The following MED12L variants were observed in gnomAD, a reference collection of about 807,000 sequenced individuals.
MED12L encodes mediator of RNA polymerase II transcription subunit 12-like protein.
A neutral mutation model predicts 281.3 loss-of-function variants in MED12L; 60 were observed. The ratio of observed to expected loss-of-function variants is 0.21; its 90% CI spans 0.17 to 0.26. MED12L has a LOEUF of 0.26. Ranked by LOEUF, MED12L falls within the 10% of genes least tolerant of loss-of-function variation. The pLI is 1.00. For missense variants in MED12L, 2,146 were observed against 2,680.9 expected, an observed-to-expected ratio of 0.80 and a Z score of 4.41; for synonymous variants, 974 against 987.2, an observed-to-expected ratio of 0.99 and a Z score of 0.25.
At chr3:151,342,062 G>A (rs1751926169) in intron 16 of MED12L, among the ~76,000 whole-genome samples, 1 of 152,150 alleles carries the variant, frequency 6.6e-6, no homozygotes, top group Non-Finnish European at 1.5e-5. Context: ...CTTTATAGCA[G>A]CATGACTTAT....
At chr3:151,250,672 A>G (rs1025318830) in intron 16 of MED12L, among the ~76,000 whole-genome samples, 11 of 152,276 alleles carry the variant, frequency 7.2e-5, no homozygotes, top group African/African-American at 2.4e-4. Context: ...TCATCTGTCC[A>G]TAGTCCTTGG....
intron 26 of MED12L, among the ~76,000 whole-genome samples, chr3:151,369,849 C>T (rs7634096): frequency 0.27 from 40,443 of 151,968 alleles, 6,365 homozygotes; most frequent in African/African-American, 0.44. Context: ...TTTGCCTTCT[C>T]TGGTGGCAGA....
intron 16 of MED12L, among the ~76,000 whole-genome samples, chr3:151,289,098 A>G (rs1743922322): frequency 6.6e-6 from 1 of 152,264 alleles, no homozygotes; most frequent in Non-Finnish European, 1.5e-5. Flanking sequence ...GTGATAATAT[A>G]GGAAGTGAAA....
chr3:151,175,398 T>G (rs562008897), intron 11 of MED12L, among the ~76,000 whole-genome samples: 2 of 152,372 alleles, frequency 1.3e-5, no homozygotes, highest in Non-Finnish European at 2.9e-5. Context: ...TTCAGTATCT[T>G]ACGTCCTTTT....
intron 16 of MED12L, among the ~76,000 whole-genome samples, chr3:151,297,010 A>C (rs1174515175): frequency 6.6e-6 from 1 of 152,164 alleles, no homozygotes; most frequent in Non-Finnish European, 1.5e-5. Flanking sequence ...ATCTAAGTGC[A>C]GGCTCTTCCT....
At chr3:151,321,543 C>T (rs1366536639) in intron 16 of MED12L, among the ~76,000 whole-genome samples, 1 of 151,948 alleles carries the variant, frequency 6.6e-6, no homozygotes, top group Non-Finnish European at 1.5e-5. Flanking sequence ...TGAAAGCCTT[C>T]AGAAATACAT....
chr3:151,186,723 G>A (rs1259676300), intron 12 of MED12L, among the ~76,000 whole-genome samples: 1 of 152,036 alleles, frequency 6.6e-6, no homozygotes, highest in African/African-American at 2.4e-5. Context: ...AGTTAACAGC[G>A]TTCTACCCCT....
intron 16 of MED12L, among the ~76,000 whole-genome samples, chr3:151,197,102 G>C (rs915826172): frequency 2.6e-5 from 4 of 152,166 alleles, no homozygotes; most frequent in African/African-American, 7.2e-5. Context: ...GCAGTGGAGA[G>C]AATTTGATCA....
intron 27 of MED12L, 137 bp from the exon 28 acceptor site, chr3:151,375,889 A>G: frequency 2.0e-6 from 1 of 494,282 alleles, no homozygotes; most frequent in Non-Finnish European, 3.2e-6. Flanking sequence ...TTTTCTACCT[A>G]CTTTTTAATG....
Position 151,407,530 on chromosome 3 carries a change from A to C in MED12L, c.5821-1713A>C, listed in dbSNP as rs187738327. Among the ~76,000 whole-genome samples the C allele has an allele frequency of 5.9e-5, 9 of 152,300 alleles. No homozygotes were observed. The East Asian group carries it at 1.7e-3, about 29-fold the overall frequency. On this transcript the variant is annotated intron_variant, in intron 39 of 44. Transcript: ENST00000687756. ...TGGTCTTTAAGGATCTGGTTGATTTAATTATTCCTTGGCATAGTGTTTGGA... is the reference window on the plus strand; with the variant it reads ...TGGTCTTTAAGGATCTGGTTGATTTCATTATTCCTTGGCATAGTGTTTGGA...
intron 29 of MED12L, 48 bp downstream of exon 29, chr3:151,376,922 C>G: frequency 6.2e-7 from 1 of 1,609,948 alleles, no homozygotes; most frequent in Non-Finnish European, 8.5e-7. Flanking sequence ...TTATAAAAAG[C>G]AAAAACACGT....
chr3:151,158,557 C>G, intron 6 of MED12L, 132 bp from the exon 7 acceptor site: 1 of 573,546 alleles, frequency 1.7e-6, no homozygotes, highest in Non-Finnish European at 3.1e-6. Context: ...AGAATTTGGA[C>G]TGTGAGCAAT....
chr3:151,278,715 T>C (rs1742314211), intron 16 of MED12L, among the ~76,000 whole-genome samples: 1 of 152,206 alleles, frequency 6.6e-6, no homozygotes, highest in South Asian at 2.1e-4. Context: ...AGAACTGATG[T>C]GTAAGATATG....
chr3:151,176,641 G>T, intron 11 of MED12L, among the ~76,000 whole-genome samples: 1 of 147,780 alleles, frequency 6.8e-6, no homozygotes, highest in Non-Finnish European at 1.5e-5. Context: ...GGTGGGGGTG[G>T]GGCATAATCC....
At chr3:151,421,471 C>T (rs1023552095) in intron 43 of MED12L, among the ~76,000 whole-genome samples, 3 of 151,718 alleles carry the variant, frequency 2.0e-5, no homozygotes, top group Non-Finnish European at 4.4e-5. Flanking sequence ...AGTGCAGTGG[C>T]GCAATCTTGG....
intron 41 of MED12L, among the ~76,000 whole-genome samples, chr3:151,412,544 T>C (rs139370807): frequency 9.2e-5 from 14 of 152,358 alleles, no homozygotes; most frequent in African/African-American, 3.1e-4. Flanking sequence ...AATCGCTCTT[T>C]GGAAAGTTAG....
chr3:151,309,127 ACACACACACACACG>A (rs1475547007), intron 16 of MED12L, among the ~76,000 whole-genome samples: 10 of 133,436 alleles, frequency 7.5e-5, no homozygotes, highest in African/African-American at 2.1e-4. Flanking sequence ...ACGCACACAC[ACACACACACACACG>A]CACACACACA....
chr3:151,184,919 T>C (rs1243244229), intron 11 of MED12L, among the ~76,000 whole-genome samples: 2 of 152,152 alleles, frequency 1.3e-5, no homozygotes, highest in Non-Finnish European at 2.9e-5. Context: ...GTATGAGGCA[T>C]TGAGTGAGTG....
At chr3:151,152,110 TTTTTTTG>T (rs1718622130) in intron 5 of MED12L, among the ~76,000 whole-genome samples, 2 of 135,588 alleles carry the variant, frequency 1.5e-5, no homozygotes, top group African/African-American at 5.9e-5. Flanking sequence ...TTTTTTTTTT[TTTTTTTG>T]GAGACAGGGT....
Sources: gnomAD v4.1 joint callset for allele counts (sites outside exome capture counted in the v4.1 genomes callset) on GRCh38, gnomAD v4.1.1 for gene constraint, MANE v1.5 for transcripts, NCBI Gene and HGNC (gene_info 2026-07-23, HGNC 2026-07-21) for gene names.